The following PPP1R37 variants were observed in gnomAD, a reference collection of about 807,000 sequenced individuals.
The protein encoded by PPP1R37 is leucine rich repeat containing 68.
Under a neutral mutation model 61.0 loss-of-function variants are expected in PPP1R37, and 21 were observed. That is an observed-to-expected ratio of 0.34 (90% CI 0.24 to 0.50). The LOEUF is 0.50. Among genes scored for constraint, PPP1R37 ranks in the 20% least tolerant of loss-of-function variants. PPP1R37 has a pLI of 0.98. For synonymous variants in PPP1R37, 443 were observed against 433.5 expected (o/e 1.02, Z -0.27); for missense variants, 910 against 952.7 (o/e 0.96, Z 0.59).
At chr19:45,095,460 G>T (rs1368376794) in intron 1 of PPP1R37, among the ~76,000 whole-genome samples, 1 of 148,904 alleles carries the variant, frequency 6.7e-6, no homozygotes, top group Non-Finnish European at 1.5e-5. Context: ...TAAAGAGGCA[G>T]TGGTTAAATT....
At chr19:45,127,209 C>T (rs1421961550) in intron 1 of PPP1R37, among the ~76,000 whole-genome samples, 1 of 152,032 alleles carries the variant, frequency 6.6e-6, no homozygotes. Flanking sequence ...ATTAGCCTGG[C>T]GTGGTGGCGT....
At chr19:45,144,615 C>A in intron 8 of PPP1R37, 1 of 530,724 alleles carries the variant, frequency 1.9e-6, no homozygotes, top group East Asian at 3.3e-5. Context: ...TAGGGACTGA[C>A]TGGGTGCCTG....
Position 45,142,402 on chromosome 19 carries a change from A to G in PPP1R37, c.818A>G (p.Lys273Arg). The G allele has an allele frequency of 2.0e-6, 3 of 1,536,120 alleles. No homozygotes were observed. In the South Asian group the frequency reaches 3.6e-5, roughly 18 times the overall value. The change falls in exon 7 of 13, where the codon AAG becomes AGG. Residue 273 changes from lysine (K) to arginine (R), a missense_variant. Physicochemically the swap from Lys to Arg is conservative, Grantham distance 26. This residue lies in a region of PPP1R37 where 280 missense variants were observed against 382.2 expected (regional missense o/e 0.73). Coordinates refer to ENST00000221462, the MANE Select transcript of PPP1R37 (RefSeq NM_019121.2). ...QDSAQLGNLL[K>R]FNCSLQILDL... is the part of the protein sequence containing the mutation. Reference sequence around the variant, plus strand: ...TCGGCCCAGCTGGGTAACCTGCTCAAGTTCAACTGCTCCCTGCAGATCCTG... The same window carrying G: ...TCGGCCCAGCTGGGTAACCTGCTCAGGTTCAACTGCTCCCTGCAGATCCTG...
intron 11 of PPP1R37, 163 bp downstream of exon 11, chr19:45,146,212 G>A: frequency 1.1e-6 from 1 of 951,466 alleles, no homozygotes; most frequent in Non-Finnish European, 1.5e-6. Flanking sequence ...GCTTCCCTTG[G>A]GTCCTGGGAG....
chr19:45,122,933 T>C (rs1036130399), intron 1 of PPP1R37, among the ~76,000 whole-genome samples: 4 of 152,208 alleles, frequency 2.6e-5, no homozygotes, highest in Non-Finnish European at 5.9e-5. Flanking sequence ...TCCCGATCTG[T>C]GCAGCTCACT....
chr19:45,106,592 G>A (rs1257171365), intron 1 of PPP1R37, among the ~76,000 whole-genome samples: 2 of 152,080 alleles, frequency 1.3e-5, no homozygotes, highest in East Asian at 1.9e-4. Context: ...CTGGAGTGCA[G>A]TAGTGCAATC....
intron 1 of PPP1R37, among the ~76,000 whole-genome samples, chr19:45,134,114 C>T (rs1244723608): frequency 6.6e-6 from 1 of 152,210 alleles, no homozygotes; most frequent in East Asian, 1.9e-4. Flanking sequence ...GCTCTCCCTG[C>T]AACTTTGGAC....
At position 45,112,814 on chromosome 19, in the gene PPP1R37, G is replaced by GAGCAGGTGCTGGGTGA. The variant is rs547652812; in HGVS notation, c.202+19311_202+19326dup. 3.3e-4 allele frequency among the ~76,000 whole-genome samples: 51 copies of GAGCAGGTGCTGGGTGA among 152,346 alleles called. 1 individual carries two copies. The highest frequency in any genetic ancestry group is 2.7e-3 in the South Asian group (13 of 4,828). The stretch of plus-strand genomic sequence containing the variant: ...CCAGCATGACCCTGCCCGGGGCACA[G>GAGCAGGTGCTGGGTGA]AGCAGGTGCTGGGTGAAGCAGGTGC... On this transcript the variant is annotated intron_variant, in intron 1 of 12. Coordinates refer to ENST00000221462, the MANE Select transcript of PPP1R37 (RefSeq NM_019121.2).
chr19:45,098,736 A>G (rs1038529902), intron 1 of PPP1R37, among the ~76,000 whole-genome samples: 2 of 152,170 alleles, frequency 1.3e-5, no homozygotes, highest in Non-Finnish European at 2.9e-5. Flanking sequence ...TCCTAAAAGC[A>G]GGCTGGACAG....
At chr19:45,098,060 A>G (rs1968016221) in intron 1 of PPP1R37, among the ~76,000 whole-genome samples, 1 of 152,216 alleles carries the variant, frequency 6.6e-6, no homozygotes. Context: ...CCAGGATGTC[A>G]GAGGATAGGG....
intron 1 of PPP1R37, chr19:45,135,876 A>C (rs575627496): frequency 7.0e-6 from 1 of 143,352 alleles, no homozygotes; most frequent in East Asian, 2.0e-4. Flanking sequence ...TCTGCCTCCC[A>C]GGTTCAAGTG....
intron 1 of PPP1R37, among the ~76,000 whole-genome samples, chr19:45,116,403 G>T (rs1370159749): frequency 6.6e-6 from 1 of 152,202 alleles, no homozygotes; most frequent in Non-Finnish European, 1.5e-5. Context: ...CCGCCCCCTG[G>T]AGCTGGCCAT....
At chr19:45,096,001 C>T (rs1266031305) in intron 1 of PPP1R37, among the ~76,000 whole-genome samples, 3 of 152,176 alleles carry the variant, frequency 2.0e-5, no homozygotes, top group Middle Eastern at 3.2e-3. Context: ...AACTCCTGAG[C>T]CTCAGTCTTC....
chr19:45,118,734 C>T (rs7256406), intron 1 of PPP1R37, among the ~76,000 whole-genome samples: 176 of 152,270 alleles, frequency 1.2e-3, no homozygotes, highest in African/African-American at 3.4e-3. Context: ...TGTCCTGTCC[C>T]TCAGGGGTGG....
intron 3 of PPP1R37, 40 bp downstream of exon 3, chr19:45,140,321 G>A (rs1227922737): frequency 2.0e-6 from 3 of 1,524,924 alleles, no homozygotes; most frequent in Admixed American, 2.0e-5. Context: ...TTGGGTCATG[G>A]GCAGGTCGGG....
chr19:45,095,941 A>C (rs1967987708), intron 1 of PPP1R37, among the ~76,000 whole-genome samples: 1 of 152,106 alleles, frequency 6.6e-6, no homozygotes, highest in Non-Finnish European at 1.5e-5. Context: ...AGGGTGTTTC[A>C]AGAGCAGAGG....
intron 7 of PPP1R37, chr19:45,142,868 G>A (rs1968632264): frequency 4.8e-6 from 1 of 210,348 alleles, no homozygotes; most frequent in Admixed American, 5.3e-5. Context: ...CCGGAGGCTG[G>A]GAGCAGAACC....
At position 45,146,696 on chromosome 19, in the gene PPP1R37, C is replaced by T. The variant is rs1330024646; in HGVS notation, c.*134C>T. ...GGGCCATTCTGGGGCCCCCCTCCCC[C>T]CACAGCAACACTACAAGGGGTGCAG... On this transcript the variant is annotated 3_prime_UTR_variant, in exon 13 of 13. Transcript: ENST00000221462. 3 of 525,490 alleles carry T rather than the reference C, an allele frequency of 5.7e-6. No homozygotes were observed. Among genetic ancestry groups the T allele is most frequent in the Non-Finnish European group, 1.0e-5 (3 of 288,904 alleles). The allele number at this position is 525,490 out of a possible 1,614,324, so 32.6% of individuals were successfully genotyped here.
chr19:45,114,043 C>T (rs545247059), intron 1 of PPP1R37, among the ~76,000 whole-genome samples: 6 of 152,346 alleles, frequency 3.9e-5, no homozygotes, highest in Admixed American at 6.5e-5. Flanking sequence ...GTTTGCCACG[C>T]GCCAGCCCCA....
Sources: allele counts gnomAD v4.1 joint callset (sites outside exome capture counted in the v4.1 genomes callset), GRCh38; gene constraint gnomAD v4.1.1; regional missense constraint gnomAD v4.1.1; transcripts MANE v1.5; gene names NCBI Gene and HGNC (gene_info 2026-07-23, HGNC 2026-07-21).